Variants in MYO3A observed in about 807,000 individuals in gnomAD.
MYO3A encodes myosin-IIIa.
A neutral mutation model predicts 192.7 loss-of-function variants in MYO3A; 180 were observed. The ratio of observed to expected loss-of-function variants is 0.93; its 90% CI spans 0.83 to 1.06. The LOEUF is 1.06. Ranked by LOEUF, MYO3A falls within the 50% of genes least tolerant of loss-of-function variation. The probability of loss-of-function intolerance (pLI) is 0.00; values close to 1 mark genes in which losing one functional copy is unlikely to be tolerated. For synonymous variants in MYO3A, 628 were observed against 645.3 expected, an observed-to-expected ratio of 0.97 and a Z score of 0.41; for missense variants, 1,896 against 1,905.0, an observed-to-expected ratio of 1.00 and a Z score of 0.09.
intron 23 of MYO3A, among the ~76,000 whole-genome samples, chr10:26,150,765 CATTGGTTTTTTT>C (rs1489190858): frequency 6.6e-6 from 1 of 152,044 alleles, no homozygotes; most frequent in East Asian, 1.9e-4. Context: ...CAAATGGTTT[CATTGGTTTTTTT>C]ATTGGTTTTG....
intron 7 of MYO3A, among the ~76,000 whole-genome samples, chr10:26,021,101 T>G (rs1842275884): frequency 6.6e-6 from 1 of 152,192 alleles, no homozygotes; most frequent in African/African-American, 2.4e-5. Context: ...TTTCCTCCAC[T>G]TTTAATTCTT....
chr10:26,062,526 A>AC (rs1440171633), intron 10 of MYO3A, among the ~76,000 whole-genome samples: 3 of 116,952 alleles, frequency 2.6e-5, no homozygotes, highest in Admixed American at 8.1e-5. Flanking sequence ...AAAAAAAAAA[A>AC]AAAAAAATTA....
intron 10 of MYO3A, among the ~76,000 whole-genome samples, chr10:26,055,344 G>GA (rs1177351703): frequency 6.6e-6 from 1 of 152,032 alleles, no homozygotes; most frequent in African/African-American, 2.4e-5. Flanking sequence ...TGAACAAAAT[G>GA]AAAAATCAAC....
At chr10:26,162,194 T>G (rs1841516897) in intron 26 of MYO3A, among the ~76,000 whole-genome samples, 1 of 152,210 alleles carries the variant, frequency 6.6e-6, no homozygotes. Flanking sequence ...ATTTTTCAAA[T>G]TAATGAAAGA....
chr10:26,192,221 A>G (rs1843175418), intron 31 of MYO3A, among the ~76,000 whole-genome samples: 1 of 152,240 alleles, frequency 6.6e-6, no homozygotes, highest in South Asian at 2.1e-4. Context: ...GATCTTGGCT[A>G]TATTAACAGA....
intron 2 of MYO3A, among the ~76,000 whole-genome samples, chr10:25,947,533 A>G (rs1195944666): frequency 2.0e-5 from 3 of 151,340 alleles, no homozygotes. Flanking sequence ...AGCTGGGATT[A>G]CAGGGATGCA....
chr10:26,016,264 A>G (rs1363635698), intron 6 of MYO3A, among the ~76,000 whole-genome samples: 1 of 152,170 alleles, frequency 6.6e-6, no homozygotes, highest in Non-Finnish European at 1.5e-5. Context: ...TCTGTTAATG[A>G]TGTTGGTTTA....
rs575809727 is a variant in MYO3A at position 26,184,154 on chromosome 10, C to T, written c.4438+7309C>T. Among the ~76,000 whole-genome samples the T allele has an allele frequency of 2.8e-4, 42 of 152,308 alleles. No homozygotes were observed. The South Asian group carries it at 6.4e-3, about 23-fold the overall frequency. On this transcript the variant is annotated intron_variant, in intron 31 of 34. Transcript: ENST00000642920. Reference sequence around the variant, plus strand: ...TTTGGAACTGTCCTGTCCATAAGCTCAGAACTGTGTGCAGCTCTCTTTAAG... The same window carrying T: ...TTTGGAACTGTCCTGTCCATAAGCTTAGAACTGTGTGCAGCTCTCTTTAAG...
intron 2 of MYO3A, among the ~76,000 whole-genome samples, chr10:25,941,526 A>G (rs1283698727): frequency 1.3e-5 from 2 of 152,032 alleles, no homozygotes; most frequent in East Asian, 3.9e-4. Flanking sequence ...TCCTCTCCCT[A>G]TCTTTTAACT....
At chr10:26,143,303 C>A in intron 20 of MYO3A, 145 bp from the exon 21 acceptor site, 2 of 790,592 alleles carry the variant, frequency 2.5e-6, no homozygotes, top group South Asian at 1.6e-5. Flanking sequence ...TATACTCCAG[C>A]CTGGACGACA....
chr10:25,990,585 A>C (rs1839954642), intron 4 of MYO3A, among the ~76,000 whole-genome samples: 1 of 151,852 alleles, frequency 6.6e-6, no homozygotes, highest in Admixed American at 6.6e-5. Context: ...ATATGTATAC[A>C]TGTGCCATGT....
Position 25,947,442 on chromosome 10 carries a change from G to A in MYO3A, c.-17-4652G>A, listed in dbSNP as rs539473718. On this transcript the variant is annotated intron_variant, in intron 2 of 34. Transcript: ENST00000642920. ...GAGTTTTGCTCTTGATACCCAGGCTGGAGTGCAATGGCATGACCTTGGCTC... is the reference window on the plus strand; with the variant it reads ...GAGTTTTGCTCTTGATACCCAGGCTAGAGTGCAATGGCATGACCTTGGCTC... Among the ~76,000 whole-genome samples the A allele has an allele frequency of 1.7e-3, 229 of 137,738 alleles. 1 individual carries two copies. The highest frequency in any genetic ancestry group is 6.1e-3 in the African/African-American group (218 of 35,656). The allele number at this position is 137,738 out of a possible 152,430, so 90.4% of individuals were successfully genotyped here.
chr10:26,018,300 C>A (rs1842091511), intron 7 of MYO3A, among the ~76,000 whole-genome samples: 2 of 151,440 alleles, frequency 1.3e-5, no homozygotes. Flanking sequence ...AGATTTTGTT[C>A]ATATTATATT....
At chr10:26,152,214 T>A (rs940055583) in intron 23 of MYO3A, among the ~76,000 whole-genome samples, 1 of 152,214 alleles carries the variant, frequency 6.6e-6, no homozygotes, top group Non-Finnish European at 1.5e-5. Flanking sequence ...CAAAGACATA[T>A]GGATTTTATA....
chr10:25,995,346 T>C (rs1341018971), intron 4 of MYO3A, among the ~76,000 whole-genome samples: 1 of 152,236 alleles, frequency 6.6e-6, no homozygotes, highest in Non-Finnish European at 1.5e-5. Flanking sequence ...GCCGTGGTTT[T>C]CAGCTCCATC....
At chr10:26,025,736 C>T (rs1842509929) in intron 9 of MYO3A, among the ~76,000 whole-genome samples, 1 of 152,202 alleles carries the variant, frequency 6.6e-6, no homozygotes, top group African/African-American at 2.4e-5. Context: ...TCCTCCTGTG[C>T]TGTTGTTTCA....
intron 6 of MYO3A, among the ~76,000 whole-genome samples, chr10:26,004,762 C>G (rs1003111765): frequency 2.0e-5 from 3 of 151,970 alleles, no homozygotes. Context: ...GTTTGAGCAC[C>G]AAAATACTAA....
At chr10:26,075,668 GAT>G (rs953727175) in intron 14 of MYO3A, among the ~76,000 whole-genome samples, 26 of 127,636 alleles carry the variant, frequency 2.0e-4, no homozygotes, top group East Asian at 6.7e-4. Context: ...ATATATATAT[GAT>G]ATATATATGT....
chr10:26,202,547 T>C (rs1843723190), intron 33 of MYO3A, among the ~76,000 whole-genome samples: 1 of 152,212 alleles, frequency 6.6e-6, no homozygotes, highest in Non-Finnish European at 1.5e-5. Flanking sequence ...CATATGTGTA[T>C]CAATGTACTG....
Sources: allele counts gnomAD v4.1 joint callset (sites outside exome capture counted in the v4.1 genomes callset), GRCh38; gene constraint gnomAD v4.1.1; transcripts MANE v1.5; gene names NCBI Gene and HGNC (gene_info 2026-07-23, HGNC 2026-07-21).